Variants in ELOVL6 observed in about 807,000 individuals in gnomAD.
The protein encoded by ELOVL6 is ELOVL fatty acid elongase 6, also known as very long chain fatty acid elongase 6.
A neutral mutation model predicts 31.7 loss-of-function variants in ELOVL6; 8 were observed. The ratio of observed to expected loss-of-function variants is 0.25; its 90% confidence interval spans 0.15 to 0.45. The LOEUF (loss-of-function observed/expected upper bound fraction) is 0.45, where lower values mean the gene tolerates loss of function less well. ELOVL6 is among the 20% of genes least tolerant of loss of function. The pLI is 1.00. For synonymous variants in ELOVL6, 101 were observed against 117.7 expected (o/e 0.86, Z 0.92); for missense variants, 126 against 326.4 (o/e 0.39, Z 4.73).
intron 1 of ELOVL6, among the ~76,000 whole-genome samples, chr4:110,116,345 A>C (rs535235436): frequency 1.3e-5 from 2 of 152,330 alleles, no homozygotes; most frequent in Non-Finnish European, 2.9e-5. Context: ...TTTCATGTCT[A>C]TTCCTGGTTT....
rs1344985460 is a variant in ELOVL6 at position 110,084,369 on chromosome 4, G to GATATATATCGCATATATGATATATACCGC, written c.221+21127_221+21128insGCGGTATATATCATATATGCGATATATAT. ...GATATATGATATATACCGCATATAT[G>GATATATATCGCATATATGATATATACCGC]ATATATGATATATATCGCATATATG... is the stretch of plus-strand genomic sequence containing the variant. On this transcript the variant is annotated intron_variant, in intron 2 of 3. Transcript: ENST00000302274. 2.0e-4 allele frequency among the ~76,000 whole-genome samples: 7 copies of GATATATATCGCATATATGATATATACCGC among 34,712 alleles called. 1 individual carries two copies. The highest frequency in any genetic ancestry group is 7.1e-4 in the African/African-American group (5 of 7,000). The allele number at this position is 34,712 out of a possible 152,430, so 22.8% of individuals were successfully genotyped here.
intron 1 of ELOVL6, among the ~76,000 whole-genome samples, chr4:110,153,310 C>T (rs897005852): frequency 2.7e-5 from 4 of 148,870 alleles, no homozygotes; most frequent in East Asian, 1.9e-4. Context: ...AGACCTTATA[C>T]ATAATTTAAT....
At chr4:110,173,838 G>A (rs1759023730) in intron 1 of ELOVL6, among the ~76,000 whole-genome samples, 1 of 151,740 alleles carries the variant, frequency 6.6e-6, no homozygotes, top group African/African-American at 2.4e-5. Context: ...ACTTGATGGA[G>A]GAGGTTGGGA....
intron 1 of ELOVL6, among the ~76,000 whole-genome samples, chr4:110,179,158 T>C (rs997935019): frequency 6.6e-6 from 1 of 152,080 alleles, no homozygotes; most frequent in Admixed American, 6.5e-5. Flanking sequence ...TCCAGATACA[T>C]ACAATTTAAT....
chr4:110,052,240 A>C (rs954668331), intron 3 of ELOVL6, among the ~76,000 whole-genome samples: 8 of 152,368 alleles, frequency 5.3e-5, no homozygotes, highest in African/African-American at 1.9e-4. Context: ...TCAAGTGCCC[A>C]GCAAAATGTT....
intron 2 of ELOVL6, among the ~76,000 whole-genome samples, chr4:110,084,556 A>T (rs1251717438): frequency 3.7e-4 from 25 of 67,522 alleles, no homozygotes; most frequent in African/African-American, 2.5e-3. Context: ...ACACACACAC[A>T]CACACAGATA....
chr4:110,085,108 A>T (rs56338714), intron 2 of ELOVL6, among the ~76,000 whole-genome samples: 2 of 152,200 alleles, frequency 1.3e-5, no homozygotes, highest in Non-Finnish European at 2.9e-5. Flanking sequence ...TTAAGATGGG[A>T]CATCAAAGAA....
intron 1 of ELOVL6, among the ~76,000 whole-genome samples, chr4:110,165,786 G>A (rs897174146): frequency 6.6e-6 from 1 of 152,182 alleles, no homozygotes; most frequent in Non-Finnish European, 1.5e-5. Flanking sequence ...AGCTGGCCAG[G>A]TAACACCTGC....
intron 1 of ELOVL6, among the ~76,000 whole-genome samples, chr4:110,148,855 A>T (rs1758203321): frequency 6.6e-6 from 1 of 152,102 alleles, no homozygotes; most frequent in African/African-American, 2.4e-5. Context: ...GAACGCTTAT[A>T]TACTTTTTGT....
At chr4:110,105,740 C>T in intron 1 of ELOVL6, 112 bp from the exon 2 acceptor site, 1 of 965,010 alleles carries the variant, frequency 1.0e-6, no homozygotes, top group Non-Finnish European at 1.5e-6. Flanking sequence ...GAGAATATTC[C>T]TGCTTCACTG....
Position 110,051,098 on chromosome 4 carries a change from A to C in ELOVL6, c.*240T>G. On this transcript the variant is annotated 3_prime_UTR_variant, in exon 4 of 4. Transcript: ENST00000302274. The surrounding 1 kb of genome is among the most constrained non-coding windows in gnomAD (Gnocchi z 4.8). The stretch of plus-strand genomic sequence containing the variant: ...CCTAGAGTTGATAGATAAAGAGGGA[A>C]TGGGGTCTTCCAGCAGCAGTGCTTG... 1 of 506,870 alleles carries C rather than the reference A, an allele frequency of 2.0e-6. No homozygotes were observed. The allele number at this position is 506,870 out of a possible 1,614,324, so 31.4% of individuals were successfully genotyped here.
chr4:110,158,177 T>C (rs1375352787), intron 1 of ELOVL6, among the ~76,000 whole-genome samples: 1 of 152,188 alleles, frequency 6.6e-6, no homozygotes, highest in Non-Finnish European at 1.5e-5. Flanking sequence ...AAACATACTA[T>C]ACAACCCTAT....
rs1560814234 is a variant in ELOVL6, at chr4:110,084,144, A to AACATATATG, written c.221+21352_221+21353insCATATATGT. Among the ~76,000 whole-genome samples the AACATATATG allele has an allele frequency of 3.1e-4, 34 of 111,034 alleles. 4 individuals are homozygous for AACATATATG. The highest frequency in any genetic ancestry group is 4.3e-4 in the Non-Finnish European group (26 of 61,116). The allele number at this position is 111,034 out of a possible 152,430, so 72.8% of individuals were successfully genotyped here. On this transcript the variant is annotated intron_variant, in intron 2 of 3. Transcript: ENST00000302274. The stretch of plus-strand genomic sequence containing the variant: ...TAACATATATGTGATAATGATATAT[A>AACATATATG]TGATATATATAACATATATGTGATA...
At chr4:110,132,325 G>C (rs1173994155) in intron 1 of ELOVL6, among the ~76,000 whole-genome samples, 1 of 152,148 alleles carries the variant, frequency 6.6e-6, no homozygotes, top group Non-Finnish European at 1.5e-5. Flanking sequence ...AGATGCTTAA[G>C]GTGGTAGAAG....
chr4:110,066,822 A>G (rs1755319491), intron 2 of ELOVL6, among the ~76,000 whole-genome samples: 1 of 152,040 alleles, frequency 6.6e-6, no homozygotes, highest in South Asian at 2.1e-4. Flanking sequence ...ATAGGTATAC[A>G]TGTGCCATGG....
chr4:110,152,371 A>G (rs1758301725), intron 1 of ELOVL6, among the ~76,000 whole-genome samples: 1 of 152,224 alleles, frequency 6.6e-6, no homozygotes, highest in Admixed American at 6.5e-5. Context: ...TATAGCTGCT[A>G]TTGTCATCCT....
chr4:110,150,327 G>A (rs1271753865), intron 1 of ELOVL6, among the ~76,000 whole-genome samples: 1 of 152,218 alleles, frequency 6.6e-6, no homozygotes, highest in African/African-American at 2.4e-5. Flanking sequence ...GACTTAAACA[G>A]ACAGGCGACA....
intron 2 of ELOVL6, among the ~76,000 whole-genome samples, chr4:110,060,455 C>A (rs17041311): frequency 0.056 from 8,457 of 152,212 alleles, 622 homozygotes; most frequent in African/African-American, 0.17. Flanking sequence ...CAATGCCCCG[C>A]AATGTGTTTA....
At chr4:110,113,015 G>A (rs1757077977) in intron 1 of ELOVL6, among the ~76,000 whole-genome samples, 1 of 152,074 alleles carries the variant, frequency 6.6e-6, no homozygotes. Context: ...ACGAGGTCAG[G>A]GGATGGAGAC....
Sources: gnomAD v4.1 joint callset for allele counts (sites outside exome capture counted in the v4.1 genomes callset) on GRCh38, gnomAD v4.1.1 for gene constraint, Gnocchi (gnomAD v3.1) non-coding constraint, MANE v1.5 for transcripts, NCBI Gene and HGNC (gene_info 2026-07-23, HGNC 2026-07-21) for gene names.